The following CEP350 variants were observed in gnomAD, a reference collection of about 807,000 sequenced individuals.
The protein encoded by CEP350 is centrosomal protein 350.
CEP350 carries 126 observed loss-of-function variants against 331.8 expected under a neutral mutation model. The observed-to-expected ratio is 0.38, with a 90% confidence interval of 0.33 to 0.44. The LOEUF is 0.44. CEP350 is among the 20% of genes least tolerant of loss of function. The probability of loss-of-function intolerance (pLI) is 1.00; values close to 1 mark genes in which losing one functional copy is unlikely to be tolerated. For synonymous variants in CEP350, 1,200 were observed against 1,259.5 expected (o/e 0.95, Z 1.00); for missense variants, 3,406 against 3,634.6 (o/e 0.94, Z 1.62).
At chr1:180,041,015 C>A in intron 17 of CEP350, 123 bp from the exon 18 acceptor site, 1 of 667,286 alleles carries the variant, frequency 1.5e-6, no homozygotes, top group Non-Finnish European at 2.5e-6. Flanking sequence ...TACTATCTTT[C>A]CTTTTGGTTC....
chr1:180,015,752 C>T (rs1174216914), intron 10 of CEP350, 97 bp from the exon 11 acceptor site: 1 of 1,344,996 alleles, frequency 7.4e-7, no homozygotes, highest in Non-Finnish European at 9.9e-7. Context: ...ATTTTATGAT[C>T]TTTGTAGAGC....
intron 36 of CEP350, among the ~76,000 whole-genome samples, chr1:180,096,725 A>G (rs1660500610): frequency 6.6e-6 from 1 of 152,224 alleles, no homozygotes; most frequent in African/African-American, 2.4e-5. Context: ...TTTGTTATCT[A>G]AGAAACCTTT....
chr1:179,969,662 C>A (rs559189833), intron 1 of CEP350, among the ~76,000 whole-genome samples: 10 of 152,108 alleles, frequency 6.6e-5, no homozygotes, highest in Non-Finnish European at 1.3e-4. Context: ...AAAAAGAATT[C>A]AGAAACAGAA....
At chr1:180,070,719 G>C (rs74773687) in intron 27 of CEP350, among the ~76,000 whole-genome samples, 2,551 of 152,238 alleles carry the variant, frequency 0.017, 72 homozygotes, top group African/African-American at 0.058. Flanking sequence ...AACCTAAATT[G>C]ATGACTTAAA....
Position 180,053,043 on chromosome 1 carries a change from A to G in CEP350, c.4866A>G (p.Gln1622=), listed in dbSNP as rs771319595. ...ESMTEDEIEE[Q]SFRSLLPSES... ...TGACAGAAGATGAAATAGAAGAACAATCATTTCGATCATTACTACCTTCAG... is the reference window on the plus strand; with the variant it reads ...TGACAGAAGATGAAATAGAAGAACAGTCATTTCGATCATTACTACCTTCAG... Residue 1622 remains glutamine (Q), a synonymous_variant, in exon 23 of 38, where the codon CAA becomes CAG. Transcript: ENST00000367607. 1 of 1,528,642 alleles carries G rather than the reference A, an allele frequency of 6.5e-7. No individual in the cohort carries two copies. The highest frequency in any genetic ancestry group is 9.1e-7 in the Non-Finnish European group (1 of 1,104,278). The allele number at this position is 1,528,642 out of a possible 1,614,324, so 94.7% of individuals were successfully genotyped here.
In CEP350 at chr1:180,045,354, A is replaced by T. The variant is rs139097888; in HGVS notation, c.4622+1181A>T. 8.8e-3 allele frequency among the ~76,000 whole-genome samples: 1,346 copies of T among 152,216 alleles called. 21 individuals are homozygous for T. The highest frequency in any genetic ancestry group is 0.029 in the African/African-American group (1,188 of 41,522). Reference sequence around the variant, plus strand: ...GAGACTCCATCTCAAAAGAAAAAAAAAATTGAATAGCTGTCATTGGTAGTT... The same window carrying T: ...GAGACTCCATCTCAAAAGAAAAAAATAATTGAATAGCTGTCATTGGTAGTT... On this transcript the variant is annotated intron_variant, in intron 21 of 37. Transcript: ENST00000367607.
intron 14 of CEP350, among the ~76,000 whole-genome samples, chr1:180,028,641 A>T (rs1052566021): frequency 2.6e-5 from 4 of 151,998 alleles, no homozygotes; most frequent in Admixed American, 2.6e-4. Context: ...CTGTCTTTAG[A>T]AAAAATAGAA....
intron 31 of CEP350, among the ~76,000 whole-genome samples, chr1:180,086,540 CATAT>C (rs35457934): frequency 0.6 from 89,589 of 149,610 alleles, 27,980 homozygotes; most frequent in East Asian, 0.77. Flanking sequence ...ATGAGATATG[CATAT>C]ATATATATAT....
chr1:180,086,420 A>G (rs1659861824), intron 31 of CEP350, among the ~76,000 whole-genome samples: 1 of 152,164 alleles, frequency 6.6e-6, no homozygotes, highest in African/African-American at 2.4e-5. Flanking sequence ...TGTCAGTCAG[A>G]AAAGAGCCCT....
chr1:180,034,419 G>A (rs1656215103), intron 16 of CEP350, among the ~76,000 whole-genome samples: 1 of 150,686 alleles, frequency 6.6e-6, no homozygotes, highest in Non-Finnish European at 1.5e-5. Context: ...GGCATACCTT[G>A]TTTTATTGTG....
At chr1:180,049,119 C>T (rs6425603) in intron 22 of CEP350, among the ~76,000 whole-genome samples, 67,438 of 151,976 alleles carry the variant, frequency 0.44, 17,231 homozygotes, top group African/African-American at 0.71. Flanking sequence ...AACTGTGTTC[C>T]AGTGTTTTGG....
intron 37 of CEP350, among the ~76,000 whole-genome samples, chr1:180,101,678 C>G (rs1205801870): frequency 6.6e-6 from 1 of 152,172 alleles, no homozygotes; most frequent in Non-Finnish European, 1.5e-5. Flanking sequence ...CCCCTGCCCC[C>G]TCCACACACA....
rs1655220542 is a variant in CEP350 at position 180,020,024 on chromosome 1, T to A, written c.2250T>A (p.Pro750=). ...AAGTTCACCATTCTCAACCACAGCC[T>A]TTTGCTGGAACAGCTGGAAGTTTAC... is the stretch of plus-strand genomic sequence containing the variant. The part of the protein sequence containing the change: ...SPQVHHSQPQ[P]FAGTAGSLLS... The change falls in exon 12 of 38, where the codon CCT becomes CCA. Residue 750 remains proline (P), a synonymous_variant. Coordinates refer to ENST00000367607, the MANE Select transcript of CEP350 (RefSeq NM_014810.5). 3 of 1,613,974 alleles carry A rather than the reference T, an allele frequency of 1.9e-6. No individual in the cohort carries two copies. Among genetic ancestry groups the A allele is most frequent in the Non-Finnish European group, 8.5e-7 (1 of 1,179,860 alleles).
chr1:180,093,118 T>C lies in CEP350; in HGVS notation c.7013T>C (p.Met2338Thr). 1 of 1,602,214 alleles carries C rather than the reference T, an allele frequency of 6.2e-7. No homozygotes were observed. The highest frequency in any genetic ancestry group is 1.7e-5 in the Admixed American group (1 of 57,954). The change falls in exon 34 of 38, where the codon ATG (methionine) becomes ACG (threonine). Residue 2338 changes from methionine to threonine, a missense_variant. Transcript: ENST00000367607. The part of the protein sequence containing the change: ...MLKERQSDQD[M>T]NHSPNIQSGK... ...AAAGAGAGACAGTCAGATCAAGATA[T>C]GAATCATAGTCCAAACATCCAATCA...
In CEP350 at chr1:180,020,908, T is replaced by C. The variant is rs1252518289; in HGVS notation, c.3134T>C (p.Ile1045Thr). 6.2e-7 allele frequency: 1 copy of C among 1,613,022 alleles called. No homozygotes were observed. The highest frequency in any genetic ancestry group is 1.7e-5 in the Admixed American group (1 of 59,958). ...AAATTCTTGCCACTTTTTGGGCACATAGGTGGTACACAAAGCAAAGGACCA... is the reference window on the plus strand; with the variant it reads ...AAATTCTTGCCACTTTTTGGGCACACAGGTGGTACACAAAGCAAAGGACCA... The part of the protein sequence containing the change: ...AEKFLPLFGH[I>T]GGTQSKGPWE... Residue 1045 changes from isoleucine to threonine, a missense_variant, in exon 12 of 38, where the codon ATA becomes ACA. Transcript: ENST00000367607.
At chr1:180,078,039 A>G (rs1659340388) in intron 28 of CEP350, among the ~76,000 whole-genome samples, 1 of 152,204 alleles carries the variant, frequency 6.6e-6, no homozygotes, top group South Asian at 2.1e-4. Context: ...AGGCTGAGGC[A>G]ACAGAATCAC....
rs752687058 is a variant in CEP350, at chr1:180,078,544, G to A, written c.5849G>A (p.Ser1950Asn). The A allele has an allele frequency of 2.5e-6, 4 of 1,613,594 alleles. No individual in the cohort carries two copies. The highest frequency in any genetic ancestry group is 2.5e-6 in the Non-Finnish European group (3 of 1,179,754). The stretch of plus-strand genomic sequence containing the variant: ...AGCTCCATTCCAGAAGAATTAGGCA[G>A]CCCTGCTGTTGAATATGTACCATCC... ...SESSIPEELG[S>N]PAVEYVPSES... is the part of the protein sequence containing the mutation. Residue 1950 changes from serine to asparagine, a missense_variant, in exon 29 of 38, where the codon AGC (serine) becomes AAC (asparagine). This residue lies in a region of CEP350 where 1,415 missense variants were observed against 1,512.3 expected (regional missense o/e 0.94). Coordinates refer to ENST00000367607, the MANE Select transcript of CEP350 (RefSeq NM_014810.5).
At chr1:180,005,681 C>T (rs779829861) in intron 7 of CEP350, among the ~76,000 whole-genome samples, 1 of 152,198 alleles carries the variant, frequency 6.6e-6, no homozygotes, top group African/African-American at 2.4e-5. Flanking sequence ...GAAATTCTTA[C>T]AGTGGCCTAG....
chr1:180,065,343 A>G, intron 27 of CEP350, 71 bp downstream of exon 27: 1 of 1,388,330 alleles, frequency 7.2e-7, no homozygotes, highest in Non-Finnish European at 9.6e-7. Context: ...ATTTGTAATA[A>G]TACTTCACTA....
Sources: gnomAD v4.1 joint callset for allele counts (sites outside exome capture counted in the v4.1 genomes callset) on GRCh38, gnomAD v4.1.1 for gene constraint, gnomAD v4.1.1 regional missense constraint, MANE v1.5 for transcripts, NCBI Gene and HGNC (gene_info 2026-07-23, HGNC 2026-07-21) for gene names.